Variants in CDK12 observed in about 807,000 individuals in gnomAD.
CDK12 encodes the protein cyclin-dependent kinase 12.
Under a neutral mutation model 133.8 loss-of-function variants are expected in CDK12, and 17 were observed. That is an observed-to-expected ratio of 0.13 (90% confidence interval 0.09 to 0.19). The LOEUF is 0.19. CDK12 is among the 10% of genes least tolerant of loss of function. The probability of loss-of-function intolerance (pLI) is 1.00; values close to 1 mark genes in which losing one functional copy is unlikely to be tolerated. For synonymous variants in CDK12, 694 were observed against 683.6 expected (o/e 1.02, Z -0.24); for missense variants, 1,508 against 1,818.7 (o/e 0.83, Z 3.11).
chr17:39,475,279 G>A (rs1404839330), intron 2 of CDK12, among the ~76,000 whole-genome samples: 2 of 151,896 alleles, frequency 1.3e-5, no homozygotes, highest in Non-Finnish European at 2.9e-5. Flanking sequence ...AAACCAGCCT[G>A]GACAACAACA....
intron 6 of CDK12, 58 bp from the exon 7 acceptor site, chr17:39,509,647 G>C: frequency 8.8e-7 from 1 of 1,135,760 alleles, no homozygotes; most frequent in Admixed American, 1.8e-5. Flanking sequence ...TGACTTTTCA[G>C]GTGTATTTTG....
At chr17:39,486,586 G>T (rs905942466) in intron 2 of CDK12, among the ~76,000 whole-genome samples, 2 of 152,052 alleles carry the variant, frequency 1.3e-5, no homozygotes, top group African/African-American at 4.8e-5. Context: ...TGTTCTTCTA[G>T]TGAAGCCAAA....
chr17:39,515,689 C>G, intron 8 of CDK12, 42 bp from the exon 9 acceptor site: 1 of 1,371,464 alleles, frequency 7.3e-7, no homozygotes. Flanking sequence ...TAAATAGGCT[C>G]TAAGAATTTC....
At chr17:39,562,668 G>A (rs1429819727) in intron 3 of CDK12, among the ~76,000 whole-genome samples, 1 of 152,056 alleles carries the variant, frequency 6.6e-6, no homozygotes, top group African/African-American at 2.4e-5. Context: ...ATTAATTAAT[G>A]TGTTGGAAAT....
intron 2 of CDK12, among the ~76,000 whole-genome samples, chr17:39,488,794 A>C (rs370568111): frequency 6.6e-6 from 1 of 152,056 alleles, no homozygotes; most frequent in Admixed American, 6.6e-5. Flanking sequence ...TTTGTTGCCC[A>C]GGGTGGAGTG....
intron 11 of CDK12, among the ~76,000 whole-genome samples, chr17:39,520,691 T>TTG (rs2054110309): frequency 2.7e-5 from 4 of 150,018 alleles, no homozygotes; most frequent in East Asian, 2.0e-4. Flanking sequence ...CCAGCGTGTT[T>TTG]TTGTTGTTGT....
chr17:39,520,171 C>T, intron 11 of CDK12, 84 bp downstream of exon 11: 1 of 1,400,412 alleles, frequency 7.1e-7, no homozygotes, highest in South Asian at 1.3e-5. Flanking sequence ...CCACAGATGC[C>T]CAGTAAGACC....
upstream of CDK12, chr17:39,550,071 G>C (rs113500371): frequency 6.6e-6 from 1 of 152,084 alleles, no homozygotes; most frequent in Non-Finnish European, 1.5e-5. Flanking sequence ...GGGGGTTGAG[G>C]GGGTGGAGAG....
intron 2 of CDK12, among the ~76,000 whole-genome samples, chr17:39,476,712 T>A (rs12450970): frequency 0.15 from 2,503 of 16,194 alleles, 238 homozygotes; most frequent in South Asian, 0.42. Flanking sequence ...CATGCCTGCC[T>A]TTTTTTTTTT....
chr17:39,505,356 C>T (rs1036347258), intron 6 of CDK12, among the ~76,000 whole-genome samples: 14 of 151,766 alleles, frequency 9.2e-5, no homozygotes, highest in African/African-American at 3.4e-4. Flanking sequence ...GAAACCCCGT[C>T]TCTACTAAAA....
downstream of CDK12, among the ~76,000 whole-genome samples, chr17:39,539,413 A>T (rs1013653981): frequency 3.3e-5 from 5 of 152,180 alleles, no homozygotes; most frequent in African/African-American, 1.2e-4. Context: ...TGAATTTGTA[A>T]TCTTGGGGAG....
downstream of CDK12, among the ~76,000 whole-genome samples, chr17:39,535,892 G>C (rs946668665): frequency 3.3e-5 from 5 of 152,194 alleles, no homozygotes; most frequent in African/African-American, 1.2e-4. Flanking sequence ...ATGGGAATGG[G>C]GAATTCCTCA....
chr17:39,469,714 C>T lies in CDK12; in HGVS notation c.1047-1165C>T, dbSNP rs981923175. The stretch of plus-strand genomic sequence containing the variant: ...GTGCAGTGGCACAATCTCGGCTCAC[C>T]GTAACCTCTGCCTCCTGGGTTCAAG... On this transcript the variant is annotated intron_variant, in intron 1 of 13. Coordinates refer to ENST00000447079, the MANE Select transcript of CDK12 (RefSeq NM_016507.4). Among the ~76,000 whole-genome samples the T allele has an allele frequency of 4.6e-5, 7 of 151,122 alleles. No individual in the cohort carries two copies. The South Asian group carries it at 8.4e-4, about 18-fold the overall frequency.
intron 2 of CDK12, among the ~76,000 whole-genome samples, chr17:39,478,197 A>AT (rs1311453996): frequency 2.4e-5 from 2 of 83,008 alleles, no homozygotes; most frequent in Non-Finnish European, 3.3e-5. Flanking sequence ...GAGTTTGGCC[A>AT]TTATTTTTTT....
At chr17:39,509,216 A>G (rs948421140) in intron 6 of CDK12, among the ~76,000 whole-genome samples, 1 of 152,078 alleles carries the variant, frequency 6.6e-6, no homozygotes, top group African/African-American at 2.4e-5. Context: ...GTCTTGCTCT[A>G]TTGCCCAGGC....
intron 1 of CDK12, among the ~76,000 whole-genome samples, chr17:39,469,953 T>C (rs2049663308): frequency 6.6e-6 from 1 of 152,062 alleles, no homozygotes; most frequent in Admixed American, 6.6e-5. Context: ...GACTGCCTTA[T>C]CCTGTTTTCA....
intron 11 of CDK12, 80 bp from the exon 12 acceptor site, chr17:39,524,594 C>T (rs2054381928): frequency 8.9e-6 from 11 of 1,232,158 alleles, no homozygotes; most frequent in South Asian, 6.4e-5. Context: ...TCTTTGCCTT[C>T]CCATTTTAAT....
At position 39,526,227 on chromosome 17, in the gene CDK12, C is replaced by T. The variant is rs1423552280; in HGVS notation, c.3671C>T (p.Ala1224Val). Residue 1224 changes from alanine to valine, a missense_variant, in exon 13 of 14, where the codon GCA becomes GTA. By Grantham distance (64) the Ala-to-Val change is moderately conservative. This residue lies in a region of CDK12 where 399 missense variants were observed against 469.6 expected (regional missense o/e 0.85). Coordinates refer to ENST00000447079, the MANE Select transcript of CDK12 (RefSeq NM_016507.4). The part of the protein sequence containing the change: ...LSQLMKTQEP[A>V]GSLEENNSDK... ...CAGCTGATGAAAACCCAAGAGCCAG[C>T]AGGCAGTCTGGAGGAAAACAACAGT... 4 of 1,613,174 alleles carry T rather than the reference C, an allele frequency of 2.5e-6. No homozygotes were observed. Among genetic ancestry groups the T allele is most frequent in the Non-Finnish European group, 3.4e-6 (4 of 1,179,642 alleles).
chr17:39,506,925 C>G (rs2053168490), intron 6 of CDK12, among the ~76,000 whole-genome samples: 1 of 151,948 alleles, frequency 6.6e-6, no homozygotes, highest in Non-Finnish European at 1.5e-5. Context: ...GAGATGGAGT[C>G]TCACTGTGTC....
Sources: gnomAD v4.1 joint callset for allele counts (sites outside exome capture counted in the v4.1 genomes callset) on GRCh38, gnomAD v4.1.1 for gene constraint, gnomAD v4.1.1 regional missense constraint, MANE v1.5 for transcripts, NCBI Gene and HGNC (gene_info 2026-07-23, HGNC 2026-07-21) for gene names.